Variants in DST observed in about 807,000 individuals in gnomAD.
DST encodes the protein bullous pemphigoid antigen.
A neutral mutation model predicts 875.2 loss-of-function variants in DST; 253 were observed. The observed-to-expected ratio is 0.29, with a 90% CI of 0.26 to 0.32. The LOEUF (loss-of-function observed/expected upper bound fraction) is 0.32, where lower values mean the gene tolerates loss of function less well. Ranked by LOEUF, DST falls within the 10% of genes least tolerant of loss-of-function variation. The pLI is 1.00. For synonymous variants in DST, 3,124 were observed against 3,197.1 expected (o/e 0.98, Z 0.77); for missense variants, 8,287 against 9,111.6 (o/e 0.91, Z 3.68).
At chr6:56,675,413 A>C (rs1408632292) in intron 9 of DST, among the ~76,000 whole-genome samples, 1 of 152,246 alleles carries the variant, frequency 6.6e-6, no homozygotes, top group African/African-American at 2.4e-5. Flanking sequence ...ATGAGATTAC[A>C]GCAAATGAAA....
intron 4 of DST, among the ~76,000 whole-genome samples, chr6:56,747,740 A>G (rs1269489275): frequency 6.6e-6 from 1 of 152,186 alleles, no homozygotes; most frequent in Non-Finnish European, 1.5e-5. Flanking sequence ...GCACAGAGAT[A>G]TGTAACTCGA....
At chr6:56,562,339 A>G (rs1336031122) in intron 55 of DST, 139 bp from the exon 56 acceptor site, 1 of 488,320 alleles carries the variant, frequency 2.0e-6, no homozygotes, top group Non-Finnish European at 3.5e-6. Context: ...ATGAAGGTCC[A>G]AAATGTAAAT....
chr6:56,707,037 G>A (rs1006560397), intron 5 of DST, among the ~76,000 whole-genome samples: 12 of 152,068 alleles, frequency 7.9e-5, no homozygotes, highest in Admixed American at 3.9e-4. Context: ...TAGGTTTCAT[G>A]CTCCTATGAG....
chr6:56,634,430 T>C lies in DST; in HGVS notation c.3494+32A>G, dbSNP rs373984856. The C allele has an allele frequency of 7.4e-6, 12 of 1,612,534 alleles. No homozygotes were observed. In the African/African-American group the frequency reaches 1.2e-4, roughly 16 times the overall value. ...TCAACCTTCAGAGGGCCCCCAAAAC[T>C]AGCTCAACATTTTTAGCTAATATAT... On this transcript the variant is annotated intron_variant, in intron 26 of 103. Coordinates refer to ENST00000680361, the MANE Select transcript of DST (RefSeq NM_001374736.1).
chr6:56,907,736 G>A (rs1012152370), intron 2 of DST, among the ~76,000 whole-genome samples: 1 of 152,128 alleles, frequency 6.6e-6, no homozygotes, highest in African/African-American at 2.4e-5. Context: ...CAATTTAGAT[G>A]AATGAGGCAG....
chr6:56,841,653 A>C (rs1376434078), intron 4 of DST, among the ~76,000 whole-genome samples: 1 of 152,238 alleles, frequency 6.6e-6, no homozygotes, highest in African/African-American at 2.4e-5. Context: ...TATAAAATGT[A>C]TCTACTTTAG....
Position 56,537,069 on chromosome 6 carries a change from T to C in DST, c.16609-129A>G. On this transcript the variant is annotated intron_variant, in intron 61 of 103. Transcript: ENST00000680361. ...TTACAGAGGTAAAGATAATTTTTATTGTCTAGCCATAGGTCATAGCTACCT... is the reference window on the plus strand; with the variant it reads ...TTACAGAGGTAAAGATAATTTTTATCGTCTAGCCATAGGTCATAGCTACCT... 3.9e-6 allele frequency: 3 copies of C among 777,942 alleles called. No individual in the cohort carries two copies. The South Asian group carries it at 6.4e-5, about 17-fold the overall frequency. 48.2% of individuals were successfully genotyped at this position (777,942 alleles called of 1,614,324 possible). A position where few individuals can be genotyped will look rare whatever the true frequency, so the allele number is the denominator to read the frequency against.
intron 4 of DST, among the ~76,000 whole-genome samples, chr6:56,793,068 C>CAAAAA (rs61457774): frequency 2.5e-3 from 105 of 42,352 alleles, no homozygotes; most frequent in East Asian, 5.0e-3. Context: ...GACCCTGTCT[C>CAAAAA]AAAAAAAAAA....
chr6:56,548,816 G>C (rs1168219908), intron 61 of DST, among the ~76,000 whole-genome samples: 2 of 152,160 alleles, frequency 1.3e-5, no homozygotes, highest in Non-Finnish European at 2.9e-5. Context: ...TTCAGAAGTA[G>C]AAAAACTTAT....
intron 2 of DST, among the ~76,000 whole-genome samples, chr6:56,929,807 G>A (rs761257498): frequency 1.4e-4 from 21 of 152,054 alleles, no homozygotes; most frequent in African/African-American, 4.6e-4. Flanking sequence ...TATATAAAAC[G>A]TATAGAAAAC....
intron 61 of DST, among the ~76,000 whole-genome samples, chr6:56,537,975 T>C (rs973792868): frequency 2.0e-5 from 3 of 151,998 alleles, no homozygotes; most frequent in Non-Finnish European, 4.4e-5. Context: ...TGGGAGTAGA[T>C]ACATCAATAT....
At chr6:56,840,752 A>C (rs1168170495) in intron 4 of DST, among the ~76,000 whole-genome samples, 1 of 152,210 alleles carries the variant, frequency 6.6e-6, no homozygotes, top group Non-Finnish European at 1.5e-5. Flanking sequence ...CTGTCTGAAG[A>C]CTAGACCTAA....
intron 2 of DST, among the ~76,000 whole-genome samples, chr6:56,947,729 A>G (rs1820350205): frequency 6.6e-6 from 1 of 152,178 alleles, no homozygotes; most frequent in African/African-American, 2.4e-5. Flanking sequence ...CCTTTCTCTA[A>G]CCATACTGGT....
At chr6:56,893,470 A>G (rs1291456343) in intron 3 of DST, among the ~76,000 whole-genome samples, 1 of 149,622 alleles carries the variant, frequency 6.7e-6, no homozygotes, top group East Asian at 1.9e-4. Flanking sequence ...ACACACGTGT[A>G]CAAGTATATT....
chr6:56,463,702 C>G lies in DST; in HGVS notation c.22822G>C (p.Gly7608Arg). ...KFILADGASQ[G>R]MAAFRPRGRR... Reference sequence around the variant, plus strand: ...CCTCGGGGTCGGAAAGCAGCCATACCCTGGCTGGCACCATCTGCTAAAATG... The same window carrying G: ...CCTCGGGGTCGGAAAGCAGCCATACGCTGGCTGGCACCATCTGCTAAAATG... The change falls in exon 101 of 104, where the codon GGT becomes CGT. Residue 7608 changes from glycine (G) to arginine (R), a missense_variant. Coordinates refer to ENST00000680361, the MANE Select transcript of DST (RefSeq NM_001374736.1). The G allele has an allele frequency of 6.2e-7, 1 of 1,613,930 alleles. No homozygotes were observed. The highest frequency in any genetic ancestry group is 8.5e-7 in the Non-Finnish European group (1 of 1,179,874).
intron 57 of DST, 83 bp downstream of exon 57, chr6:56,561,225 A>C: frequency 7.0e-7 from 1 of 1,418,470 alleles, no homozygotes; most frequent in Non-Finnish European, 9.4e-7. Context: ...AAAACAGAGC[A>C]GAGCTTCTGA....
intron 4 of DST, among the ~76,000 whole-genome samples, chr6:56,782,702 G>T (rs2099696564): frequency 6.6e-6 from 1 of 151,942 alleles, no homozygotes; most frequent in South Asian, 2.1e-4. Flanking sequence ...TTTTTGAAGG[G>T]TTTTTTGTGT....
chr6:56,689,610 A>T (rs2099213970), intron 9 of DST, among the ~76,000 whole-genome samples: 1 of 152,184 alleles, frequency 6.6e-6, no homozygotes, highest in African/African-American at 2.4e-5. Context: ...AGGCTTTGAG[A>T]AGTACTGCTG....
chr6:56,853,004 A>G (rs1396894358), intron 3 of DST, among the ~76,000 whole-genome samples: 1 of 152,228 alleles, frequency 6.6e-6, no homozygotes, highest in Non-Finnish European at 1.5e-5. Flanking sequence ...GTGGCTATGC[A>G]TGGTCAACAC....
Sources: gnomAD v4.1 joint callset for allele counts (sites outside exome capture counted in the v4.1 genomes callset) on GRCh38, gnomAD v4.1.1 for gene constraint, MANE v1.5 for transcripts, NCBI Gene and HGNC (gene_info 2026-07-23, HGNC 2026-07-21) for gene names.